Variants in SERGEF observed in about 807,000 individuals in gnomAD.
The protein encoded by SERGEF is secretion regulating guanine nucleotide exchange factor, also known as secretion-regulating guanine nucleotide exchange factor.
A neutral mutation model predicts 50.0 loss-of-function variants in SERGEF; 51 were observed. The observed-to-expected ratio is 1.02, with a 90% confidence interval of 0.81 to 1.29. SERGEF has a LOEUF of 1.29. Ranked by LOEUF, SERGEF falls within the 50% of genes most tolerant of loss-of-function variation. SERGEF has a pLI of 0.00. For missense variants in SERGEF, 521 were observed against 557.0 expected (o/e 0.94, Z 0.65); for synonymous variants, 205 against 212.4 (o/e 0.97, Z 0.30).
intron 10 of SERGEF, among the ~76,000 whole-genome samples, chr11:17,819,953 A>G (rs1478966800): frequency 6.6e-6 from 1 of 152,124 alleles, no homozygotes; most frequent in African/African-American, 2.4e-5. Flanking sequence ...ATCCTCCCCG[A>G]CAGCCTCCAG....
Position 17,852,822 on chromosome 11 carries a change from G to A in SERGEF, c.1048+25386C>T, listed in dbSNP as rs2237937. Reference sequence around the variant, plus strand: ...GATGAAGAATGTGAGGGTTAGATCTGAGGTCCAAGGTCAGACCGTGGGTAG... The same window carrying A: ...GATGAAGAATGTGAGGGTTAGATCTAAGGTCCAAGGTCAGACCGTGGGTAG... On this transcript the variant is annotated intron_variant, in intron 10 of 10. Transcript: ENST00000265965. Among the ~76,000 whole-genome samples, 286 of 152,304 alleles carry A rather than the reference G, an allele frequency of 1.9e-3. 7 individuals are homozygous for A. In the East Asian group the frequency reaches 0.051, roughly 27 times the overall value.
chr11:17,929,005 T>C (rs2237917), intron 9 of SERGEF, among the ~76,000 whole-genome samples: 49,954 of 152,104 alleles, frequency 0.33, 9,416 homozygotes, highest in East Asian at 0.49. Context: ...TTAACATTTG[T>C]TGAAACTCAA....
chr11:17,985,708 G>A (rs932473593), intron 8 of SERGEF, among the ~76,000 whole-genome samples: 12 of 152,170 alleles, frequency 7.9e-5, no homozygotes, highest in Non-Finnish European at 1.5e-4. Flanking sequence ...CACAAACACT[G>A]CAGGCAGGCA....
chr11:17,958,584 A>C (rs1852923487), intron 9 of SERGEF, among the ~76,000 whole-genome samples: 1 of 152,172 alleles, frequency 6.6e-6, no homozygotes, highest in South Asian at 2.1e-4. Flanking sequence ...AATAAACACG[A>C]GTATAAAATG....
intron 10 of SERGEF, among the ~76,000 whole-genome samples, chr11:17,857,043 C>T (rs911104519): frequency 6.6e-6 from 1 of 152,146 alleles, no homozygotes; most frequent in Admixed American, 6.5e-5. Flanking sequence ...TATAATATCT[C>T]CAGTATGGGT....
At chr11:17,960,208 T>G (rs1852968648) in intron 8 of SERGEF, among the ~76,000 whole-genome samples, 1 of 151,788 alleles carries the variant, frequency 6.6e-6, no homozygotes, top group Non-Finnish European at 1.5e-5. Flanking sequence ...CTAAGGCAAG[T>G]GTTTATGTGT....
intron 9 of SERGEF, among the ~76,000 whole-genome samples, chr11:17,882,663 T>C (rs533943361): frequency 6.6e-6 from 1 of 152,106 alleles, no homozygotes; most frequent in African/African-American, 2.4e-5. Context: ...GTACAGGGCA[T>C]GGGGGTGAGG....
At chr11:18,002,362 T>C (rs1442279424) in intron 4 of SERGEF, among the ~76,000 whole-genome samples, 3 of 152,172 alleles carry the variant, frequency 2.0e-5, no homozygotes, top group Non-Finnish European at 4.4e-5. Context: ...GTTCTTACCA[T>C]GTGTCACATA....
At position 17,836,398 on chromosome 11, in the gene SERGEF, T is replaced by C. The variant is rs7101774; in HGVS notation, c.1048+41810A>G. The stretch of plus-strand genomic sequence containing the variant: ...GGGCTTACTTGAAAGCCTCATACTT[T>C]CATGCCTCCTTCATGAGAATATTTC... On this transcript the variant is annotated intron_variant, in intron 10 of 10. Coordinates refer to ENST00000265965, the MANE Select transcript of SERGEF (RefSeq NM_012139.4). Among the ~76,000 whole-genome samples, 1,390 of 152,352 alleles carry C rather than the reference T, an allele frequency of 9.1e-3. 22 individuals carry two copies. The highest frequency in any genetic ancestry group is 0.03 in the African/African-American group (1,264 of 41,584).
At chr11:17,797,059 A>G (rs74890627) in intron 10 of SERGEF, among the ~76,000 whole-genome samples, 2,233 of 152,284 alleles carry the variant, frequency 0.015, 48 homozygotes, top group African/African-American at 0.049. Flanking sequence ...TGGGGAAGGT[A>G]ATGTGCAAAA....
intron 9 of SERGEF, chr11:17,918,767 A>G (rs1044413434): frequency 4.5e-6 from 2 of 441,174 alleles, no homozygotes; most frequent in Admixed American, 5.0e-5. Flanking sequence ...AGGAGATGCC[A>G]TCTAAAGCTA....
intron 9 of SERGEF, among the ~76,000 whole-genome samples, chr11:17,938,879 G>C (rs1852505748): frequency 1.3e-5 from 2 of 152,182 alleles, no homozygotes; most frequent in African/African-American, 4.8e-5. Flanking sequence ...ATGGGTATCA[G>C]AAGAGGCTGG....
At chr11:17,934,003 C>T (rs538659670) in intron 9 of SERGEF, among the ~76,000 whole-genome samples, 1 of 152,134 alleles carries the variant, frequency 6.6e-6, no homozygotes, top group Non-Finnish European at 1.5e-5. Context: ...TCTCTATGTT[C>T]ATACTTCTCT....
intron 10 of SERGEF, among the ~76,000 whole-genome samples, chr11:17,811,567 G>C (rs1849874910): frequency 6.6e-6 from 1 of 152,210 alleles, no homozygotes; most frequent in Non-Finnish European, 1.5e-5. Flanking sequence ...GCTCAGCGTG[G>C]AGGAAGAAAG....
chr11:17,900,535 T>C (rs899262134), intron 9 of SERGEF, among the ~76,000 whole-genome samples: 1 of 152,226 alleles, frequency 6.6e-6, no homozygotes, highest in African/African-American at 2.4e-5. Context: ...GCATTTATTA[T>C]TAAACTAAAA....
chr11:17,873,898 T>C (rs1344319110), intron 10 of SERGEF, among the ~76,000 whole-genome samples: 2 of 152,186 alleles, frequency 1.3e-5, no homozygotes, highest in East Asian at 3.8e-4. Context: ...AAATTGCCAA[T>C]TCAAGCCAAA....
chr11:17,814,682 A>G (rs1438775760), intron 10 of SERGEF, among the ~76,000 whole-genome samples: 1 of 152,208 alleles, frequency 6.6e-6, no homozygotes, highest in Admixed American at 6.5e-5. Context: ...CTTGCTAACT[A>G]TGATTCCAAA....
intron 9 of SERGEF, among the ~76,000 whole-genome samples, chr11:17,887,636 G>A (rs1235695201): frequency 6.6e-6 from 1 of 152,116 alleles, no homozygotes; most frequent in East Asian, 1.9e-4. Context: ...TTCAACAACT[G>A]CTTGGAAAAA....
chr11:17,845,849 G>A (rs1010110608), intron 10 of SERGEF, among the ~76,000 whole-genome samples: 1 of 152,212 alleles, frequency 6.6e-6, no homozygotes, highest in Non-Finnish European at 1.5e-5. Context: ...TGGGAATTGG[G>A]TGCTTAGAAA....
Sources: gnomAD v4.1 joint callset for allele counts (sites outside exome capture counted in the v4.1 genomes callset) on GRCh38, gnomAD v4.1.1 for gene constraint, MANE v1.5 for transcripts, NCBI Gene and HGNC (gene_info 2026-07-23, HGNC 2026-07-21) for gene names.